Variants in RBMS1 observed in about 807,000 individuals in gnomAD.
The protein encoded by RBMS1 is RNA binding motif single stranded interacting protein 1.
In RBMS1, 17 loss-of-function variants were observed where a neutral mutation model predicts 62.3. That is an observed-to-expected ratio of 0.27 (90% CI 0.19 to 0.41). RBMS1 has a LOEUF of 0.41. Ranked by LOEUF, RBMS1 falls within the 10% of genes least tolerant of loss-of-function variation. The pLI, the probability that RBMS1 is intolerant of heterozygous loss-of-function variation, is 1.00. For missense variants in RBMS1, 334 were observed against 504.5 expected, an observed-to-expected ratio of 0.66 and a Z score of 3.24; for synonymous variants, 172 against 170.0, an observed-to-expected ratio of 1.01 and a Z score of -0.09.
At chr2:160,402,418 A>G (rs1230119172) in intron 1 of RBMS1, among the ~76,000 whole-genome samples, 1 of 152,252 alleles carries the variant, frequency 6.6e-6, no homozygotes, top group African/African-American at 2.4e-5. Flanking sequence ...TGAGTTTTAA[A>G]AAGCGAATTG....
At chr2:160,457,953 T>TTGTTG (rs139604678) in intron 1 of RBMS1, among the ~76,000 whole-genome samples, 1 of 150,446 alleles carries the variant, frequency 6.6e-6, no homozygotes, top group Non-Finnish European at 1.5e-5. Context: ...TATTGGTTTG[T>TTGTTG]TTGTTGTTGT....
chr2:160,394,284 T>C (rs1240467019), intron 1 of RBMS1, among the ~76,000 whole-genome samples: 1 of 152,160 alleles, frequency 6.6e-6, no homozygotes, highest in African/African-American at 2.4e-5. Context: ...TTCTCCACAG[T>C]AGGGTTGTAA....
At chr2:160,278,479 G>A in intron 11 of RBMS1, 69 bp downstream of exon 11, 1 of 1,241,598 alleles carries the variant, frequency 8.1e-7, no homozygotes, top group East Asian at 2.4e-5. Context: ...ATTTGATAGG[G>A]AAGATACAGG....
chr2:160,438,732 A>G (rs944321599), intron 1 of RBMS1, among the ~76,000 whole-genome samples: 45 of 152,170 alleles, frequency 3.0e-4, no homozygotes, highest in African/African-American at 1.0e-3. Context: ...TATTCCACAA[A>G]ACCGCCATTG....
intron 4 of RBMS1, among the ~76,000 whole-genome samples, chr2:160,306,756 T>G (rs1204963235): frequency 6.6e-6 from 1 of 152,098 alleles, no homozygotes; most frequent in East Asian, 1.9e-4. Flanking sequence ...TTACTTTCTT[T>G]TTAGTTGTTG....
intron 1 of RBMS1, among the ~76,000 whole-genome samples, chr2:160,492,514 G>C (rs1158749257): frequency 6.6e-6 from 1 of 152,178 alleles, no homozygotes; most frequent in African/African-American, 2.4e-5. Flanking sequence ...AAACATATAA[G>C]CTAGTTTTGT....
intron 1 of RBMS1, among the ~76,000 whole-genome samples, chr2:160,435,327 T>C (rs991156320): frequency 6.9e-6 from 1 of 144,332 alleles, no homozygotes; most frequent in Non-Finnish European, 1.6e-5. Flanking sequence ...CCGAATACTT[T>C]TATTCATTTA....
intron 1 of RBMS1, among the ~76,000 whole-genome samples, chr2:160,488,365 C>T (rs1205904937): frequency 6.6e-6 from 1 of 152,096 alleles, no homozygotes; most frequent in Admixed American, 6.5e-5. Flanking sequence ...ATCACGAGGT[C>T]CGGAGTTCAA....
At chr2:160,308,103 T>C (rs1689640437) in intron 4 of RBMS1, among the ~76,000 whole-genome samples, 13 of 152,162 alleles carry the variant, frequency 8.5e-5, no homozygotes, top group Admixed American at 8.5e-4. Flanking sequence ...GGGCTGGACT[T>C]AAACTCCTTT....
chr2:160,447,956 G>C (rs967656343), intron 1 of RBMS1, among the ~76,000 whole-genome samples: 2 of 152,046 alleles, frequency 1.3e-5, no homozygotes, highest in African/African-American at 4.8e-5. Context: ...CTTAAAAACG[G>C]TTGAACGAAT....
chr2:160,441,130 G>A (rs187399379), intron 1 of RBMS1, among the ~76,000 whole-genome samples: 18 of 152,254 alleles, frequency 1.2e-4, no homozygotes, highest in Admixed American at 6.5e-4. Flanking sequence ...GGATAAAGTC[G>A]TTTTTTTGCA....
intron 1 of RBMS1, among the ~76,000 whole-genome samples, chr2:160,414,112 C>T (rs1696127655): frequency 6.6e-6 from 1 of 152,196 alleles, no homozygotes; most frequent in African/African-American, 2.4e-5. Context: ...TAGAAGCCCC[C>T]ATTTGCTCAG....
chr2:160,320,055 G>GA (rs1316102057), intron 2 of RBMS1, among the ~76,000 whole-genome samples: 2 of 152,028 alleles, frequency 1.3e-5, no homozygotes, highest in Non-Finnish European at 2.9e-5. Flanking sequence ...CTACAAATGA[G>GA]AAAAAAATAA....
chr2:160,298,252 G>T (rs561360385), intron 6 of RBMS1, among the ~76,000 whole-genome samples: 3 of 152,236 alleles, frequency 2.0e-5, no homozygotes, highest in African/African-American at 7.2e-5. Context: ...GTAGATACTG[G>T]TTCCACTAAC....
intron 1 of RBMS1, among the ~76,000 whole-genome samples, chr2:160,419,884 T>C (rs1433307257): frequency 6.6e-6 from 1 of 152,220 alleles, no homozygotes; most frequent in Non-Finnish European, 1.5e-5. Context: ...GTAAACCCAT[T>C]GAGAAATGCT....
rs940045296 is a variant in RBMS1, at chr2:160,493,444, CCGGCGGCGGCGGCAGCGGCGGCGG to C, written c.-105_-82del. 32 of 1,410,454 alleles carry C rather than the reference CCGGCGGCGGCGGCAGCGGCGGCGG, an allele frequency of 2.3e-5. No individual in the cohort carries two copies. Among genetic ancestry groups the C allele is most frequent in the Non-Finnish European group, 2.8e-5 (28 of 1,007,520 alleles). 87.4% of individuals were successfully genotyped at this position (1,410,454 alleles called of 1,614,324 possible). On this transcript the variant is annotated 5_prime_UTR_variant, in exon 1 of 14. Coordinates refer to ENST00000348849, the MANE Select transcript of RBMS1 (RefSeq NM_016836.4). Reference sequence around the variant, plus strand: ...CTCGGGCTCTCCTGCCTCTCCCTTTCCGGCGGCGGCGGCAGCGGCGGCGGCGGCGGCGGCTGCTGCTGCTGCCGC... The same window carrying C: ...CTCGGGCTCTCCTGCCTCTCCCTTTCCGGCGGCGGCTGCTGCTGCTGCCGC...
intron 1 of RBMS1, 107 bp from the exon 2 acceptor site, chr2:160,367,498 G>A: frequency 6.7e-7 from 1 of 1,497,858 alleles, no homozygotes; most frequent in South Asian, 1.4e-5. Context: ...GCTACTTTGA[G>A]TTATAAATTT....
intron 1 of RBMS1, among the ~76,000 whole-genome samples, chr2:160,429,672 A>G (rs987105479): frequency 6.6e-6 from 1 of 152,198 alleles, no homozygotes; most frequent in Non-Finnish European, 1.5e-5. Context: ...AATAATTTTA[A>G]TATCTGGAAG....
At chr2:160,378,456 GA>G (rs913918357) in intron 1 of RBMS1, among the ~76,000 whole-genome samples, 3 of 150,898 alleles carry the variant, frequency 2.0e-5, no homozygotes, top group African/African-American at 7.3e-5. Flanking sequence ...ATACAAAAAG[GA>G]AAAAAAAATT....
Sources: gnomAD v4.1 joint callset for allele counts (sites outside exome capture counted in the v4.1 genomes callset) on GRCh38, gnomAD v4.1.1 for gene constraint, MANE v1.5 for transcripts, NCBI Gene and HGNC (gene_info 2026-07-23, HGNC 2026-07-21) for gene names.